The following PDGFC variants were observed in gnomAD, a reference collection of about 807,000 sequenced individuals.
PDGFC encodes platelet-derived growth factor C.
Under a neutral mutation model 35.5 loss-of-function variants are expected in PDGFC, and 12 were observed. The ratio of observed to expected loss-of-function variants is 0.34; its 90% CI spans 0.22 to 0.55. PDGFC has a LOEUF of 0.55. Ranked by LOEUF, PDGFC falls within the 20% of genes least tolerant of loss-of-function variation. PDGFC has a pLI of 0.91. For synonymous variants in PDGFC, 159 were observed against 148.8 expected (o/e 1.07, Z -0.50); for missense variants, 322 against 412.4 (o/e 0.78, Z 1.90).
intron 3 of PDGFC, among the ~76,000 whole-genome samples, chr4:156,788,958 G>C (rs1312714807): frequency 2.0e-5 from 3 of 152,112 alleles, no homozygotes; most frequent in Non-Finnish European, 4.4e-5. Flanking sequence ...CATAATTTAG[G>C]AAGTGGTTAG....
At chr4:156,932,044 G>A (rs145638659) in intron 1 of PDGFC, among the ~76,000 whole-genome samples, 307 of 152,148 alleles carry the variant, frequency 2.0e-3, no homozygotes, top group African/African-American at 7.0e-3. Context: ...AAACAAAAGA[G>A]GTAAGAGATG....
At chr4:156,891,744 C>T (rs1309155823) in intron 1 of PDGFC, among the ~76,000 whole-genome samples, 4 of 152,268 alleles carry the variant, frequency 2.6e-5, no homozygotes, top group East Asian at 3.9e-4. Flanking sequence ...CCTTTCTCCT[C>T]GCTTTAATAT....
At chr4:156,902,256 A>G (rs897874746) in intron 1 of PDGFC, among the ~76,000 whole-genome samples, 4 of 152,196 alleles carry the variant, frequency 2.6e-5, no homozygotes, top group African/African-American at 9.6e-5. Context: ...ACAAATAGAA[A>G]AGTTCAGAAA....
At chr4:156,812,838 G>T (rs10517653) in intron 2 of PDGFC, among the ~76,000 whole-genome samples, 21,420 of 152,030 alleles carry the variant, frequency 0.14, 1,552 homozygotes, top group South Asian at 0.23. Flanking sequence ...ACTCAAGAAA[G>T]TTTGTCTCCC....
At chr4:156,963,529 A>G (rs1178889947) in intron 1 of PDGFC, among the ~76,000 whole-genome samples, 2 of 151,988 alleles carry the variant, frequency 1.3e-5, no homozygotes, top group Admixed American at 6.6e-5. Context: ...AAAAAAAATC[A>G]CAGTCTGAAA....
chr4:156,809,982 A>G (rs2110941923), intron 3 of PDGFC, among the ~76,000 whole-genome samples: 1 of 152,000 alleles, frequency 6.6e-6, no homozygotes, highest in South Asian at 2.1e-4. Flanking sequence ...CACTTTGTGA[A>G]AGTGTATCCA....
At chr4:156,878,520 G>A (rs145401668) in intron 1 of PDGFC, among the ~76,000 whole-genome samples, 4 of 152,152 alleles carry the variant, frequency 2.6e-5, no homozygotes, top group Admixed American at 6.5e-5. Context: ...AGTGATACAG[G>A]CTGAGTGGCC....
intron 1 of PDGFC, among the ~76,000 whole-genome samples, chr4:156,945,342 C>CATACATATATATAT (rs1328692309): frequency 4.9e-5 from 4 of 81,082 alleles, no homozygotes; most frequent in Non-Finnish European, 1.0e-4. Flanking sequence ...CATATACATA[C>CATACATATATATAT]ATATATATAT....
chr4:156,819,914 C>T (rs1732200983), intron 2 of PDGFC, among the ~76,000 whole-genome samples: 1 of 152,136 alleles, frequency 6.6e-6, no homozygotes, highest in Non-Finnish European at 1.5e-5. Flanking sequence ...AACATATCAA[C>T]ATTAACAGGA....
At chr4:156,923,195 C>A (rs553219667) in intron 1 of PDGFC, among the ~76,000 whole-genome samples, 46 of 152,214 alleles carry the variant, frequency 3.0e-4, no homozygotes, top group African/African-American at 1.0e-3. Context: ...CCCACTAGAT[C>A]CCCTTACAGC....
At chr4:156,955,866 T>C (rs1732196816) in intron 1 of PDGFC, among the ~76,000 whole-genome samples, 1 of 152,034 alleles carries the variant, frequency 6.6e-6, no homozygotes, top group Admixed American at 6.6e-5. Context: ...CATTTTTGAA[T>C]AGGCTTTGTA....
At chr4:156,883,867 T>G (rs561823424) in intron 1 of PDGFC, among the ~76,000 whole-genome samples, 1 of 152,292 alleles carries the variant, frequency 6.6e-6, no homozygotes, top group East Asian at 1.9e-4. Context: ...CTGTGCTACT[T>G]CTCAATTGGC....
chr4:156,968,635 A>G (rs992081710), intron 1 of PDGFC, among the ~76,000 whole-genome samples: 1 of 152,178 alleles, frequency 6.6e-6, no homozygotes, highest in African/African-American at 2.4e-5. Context: ...ATTTACGTAT[A>G]AAAATCAACC....
At chr4:156,782,827 G>T (rs1731018950) in intron 3 of PDGFC, among the ~76,000 whole-genome samples, 1 of 152,134 alleles carries the variant, frequency 6.6e-6, no homozygotes, top group African/African-American at 2.4e-5. Flanking sequence ...TGAAAACAGG[G>T]TTAGATAAAA....
At chr4:156,848,058 G>T (rs915937966) in intron 2 of PDGFC, among the ~76,000 whole-genome samples, 9 of 151,566 alleles carry the variant, frequency 5.9e-5, no homozygotes, top group African/African-American at 1.9e-4. Context: ...GATAAATAAA[G>T]AAAAATTAAA....
chr4:156,815,323 TAC>T (rs3042796), intron 2 of PDGFC, among the ~76,000 whole-genome samples: 37,941 of 144,738 alleles, frequency 0.26, 5,385 homozygotes, highest in Non-Finnish European at 0.33. Flanking sequence ...AATAATTTTT[TAC>T]ACACACACAC....
intron 1 of PDGFC, among the ~76,000 whole-genome samples, chr4:156,936,223 C>A (rs986833141): frequency 2.6e-5 from 4 of 152,136 alleles, no homozygotes; most frequent in African/African-American, 9.7e-5. Flanking sequence ...CAAAAAGTAT[C>A]TTTCTTCAGG....
chr4:156,901,188 A>G (rs1203887774), intron 1 of PDGFC, among the ~76,000 whole-genome samples: 1 of 152,216 alleles, frequency 6.6e-6, no homozygotes, highest in East Asian at 1.9e-4. Flanking sequence ...TCATCAGATC[A>G]GTATCCATAT....
chr4:156,942,635 CA>C (rs1254047697), intron 1 of PDGFC, among the ~76,000 whole-genome samples: 2 of 147,648 alleles, frequency 1.4e-5, no homozygotes, highest in Non-Finnish European at 1.5e-5. Context: ...CTAAAACAGA[CA>C]AAAAAAATAC....
Sources: allele counts gnomAD v4.1 joint callset (sites outside exome capture counted in the v4.1 genomes callset), GRCh38; gene constraint gnomAD v4.1.1; transcripts MANE v1.5; gene names NCBI Gene and HGNC (gene_info 2026-07-23, HGNC 2026-07-21).